Variants in CAB39L observed in about 807,000 individuals in gnomAD.
CAB39L encodes the protein calcium-binding protein 39-like.
A neutral mutation model predicts 39.1 loss-of-function variants in CAB39L; 23 were observed. That is an observed-to-expected ratio of 0.59 (90% CI 0.42 to 0.83). CAB39L has a LOEUF of 0.83. CAB39L is among the 40% of genes least tolerant of loss of function. The probability of loss-of-function intolerance (pLI) is 0.00; values close to 1 mark genes in which losing one functional copy is unlikely to be tolerated. For missense variants in CAB39L, 366 were observed against 391.9 expected (o/e 0.93, Z 0.56); for synonymous variants, 126 against 137.2 (o/e 0.92, Z 0.57).
intron 3 of CAB39L, among the ~76,000 whole-genome samples, chr13:49,430,870 T>G (rs928000776): frequency 2.0e-5 from 3 of 152,248 alleles, no homozygotes; most frequent in Admixed American, 6.5e-5. Flanking sequence ...CTTCCTATTT[T>G]CATAGAATTG....
chr13:49,362,036 C>T (rs1391220235), intron 5 of CAB39L, among the ~76,000 whole-genome samples: 4 of 151,494 alleles, frequency 2.6e-5, no homozygotes, highest in Admixed American at 2.0e-4. Context: ...TGCATACAAC[C>T]ACCTTATAAT....
intron 6 of CAB39L, among the ~76,000 whole-genome samples, chr13:49,355,083 A>T (rs1018996066): frequency 6.6e-6 from 1 of 152,172 alleles, no homozygotes; most frequent in Non-Finnish European, 1.5e-5. Context: ...CTGACTAAAA[A>T]TAATGAGTTA....
chr13:49,418,200 T>C (rs181813505), intron 3 of CAB39L, among the ~76,000 whole-genome samples: 112 of 152,294 alleles, frequency 7.4e-4, no homozygotes, highest in African/African-American at 2.6e-3. Flanking sequence ...AAATGGAACA[T>C]TATTTGGCAA....
rs1306991970 is a variant in CAB39L, at chr13:49,377,881, C to G, written c.112-750G>C. 7.2e-5 allele frequency among the ~76,000 whole-genome samples: 6 copies of G among 83,324 alleles called. 2 individuals are homozygous for G. The South Asian group carries it at 1.6e-3, about 23-fold the overall frequency. The allele number at this position is 83,324 out of a possible 152,430, so 54.7% of individuals were successfully genotyped here. On this transcript the variant is annotated intron_variant, in intron 4 of 10. Transcript: ENST00000409308. ...CTGGAAAGTGAGGAGCGTCTCCGCC[C>G]GGCCGCCATCCCATCTAGGAAGTGA...
chr13:49,424,789 T>C (rs1478422489), intron 3 of CAB39L, among the ~76,000 whole-genome samples: 2 of 152,090 alleles, frequency 1.3e-5, no homozygotes, highest in Admixed American at 1.3e-4. Context: ...TGATGGAAAA[T>C]AAAGGAATAC....
chr13:49,399,975 A>G (rs1371426352), intron 3 of CAB39L, among the ~76,000 whole-genome samples: 10 of 152,084 alleles, frequency 6.6e-5, no homozygotes, highest in Non-Finnish European at 1.5e-4. Flanking sequence ...AAAAAAAATT[A>G]AAACCTGCAA....
At chr13:49,419,084 C>T (rs1183788712) in intron 3 of CAB39L, among the ~76,000 whole-genome samples, 7 of 152,138 alleles carry the variant, frequency 4.6e-5, no homozygotes, top group African/African-American at 1.7e-4. Context: ...TCTCTTGCCT[C>T]ATCTTCCTGA....
intron 6 of CAB39L, among the ~76,000 whole-genome samples, chr13:49,357,861 C>A (rs1435252102): frequency 6.6e-6 from 1 of 152,206 alleles, no homozygotes; most frequent in Non-Finnish European, 1.5e-5. Flanking sequence ...AGCTCTTCAT[C>A]ATCTGGTCTC....
intron 10 of CAB39L, among the ~76,000 whole-genome samples, chr13:49,314,182 T>A (rs1010992693): frequency 1.3e-5 from 2 of 152,048 alleles, no homozygotes; most frequent in Non-Finnish European, 2.9e-5. Context: ...ACAGTAAGAA[T>A]GAGTAAGGGA....
At chr13:49,349,439 G>T (rs1309552767) in intron 7 of CAB39L, among the ~76,000 whole-genome samples, 2 of 146,594 alleles carry the variant, frequency 1.4e-5, no homozygotes, top group East Asian at 2.0e-4. Flanking sequence ...TGCTTTTGAA[G>T]AAATGAATCT....
Position 49,364,399 on chromosome 13 carries a change from T to C in CAB39L, c.277-4567A>G, listed in dbSNP as rs146066585. Among the ~76,000 whole-genome samples, 417 of 152,272 alleles carry C rather than the reference T, an allele frequency of 2.7e-3. 2 individuals carry two copies. The highest frequency in any genetic ancestry group is 7.9e-3 in the Admixed American group (121 of 15,308). ...GATCTTAGATTTGGAGCATGACAACTTTTACCACTGTTATTCAACATAATA... is the reference window on the plus strand; with the variant it reads ...GATCTTAGATTTGGAGCATGACAACCTTTACCACTGTTATTCAACATAATA... On this transcript the variant is annotated intron_variant, in intron 5 of 10. Transcript: ENST00000409308.
chr13:49,409,927 A>T (rs1956955993), intron 3 of CAB39L, among the ~76,000 whole-genome samples: 1 of 147,874 alleles, frequency 6.8e-6, no homozygotes, highest in African/African-American at 2.5e-5. Flanking sequence ...AAAAAAAAAA[A>T]TCCACATAAA....
At chr13:49,375,486 G>C (rs946872219) in intron 5 of CAB39L, among the ~76,000 whole-genome samples, 2 of 152,164 alleles carry the variant, frequency 1.3e-5, no homozygotes, top group Non-Finnish European at 2.9e-5. Context: ...GATGGAGAGG[G>C]AGAGTAAGCA....
chr13:49,312,283 T>G (rs535342521), intron 10 of CAB39L, among the ~76,000 whole-genome samples: 5 of 152,232 alleles, frequency 3.3e-5, no homozygotes, highest in African/African-American at 1.2e-4. Context: ...TCTACAGTAG[T>G]GTACGGTAAT....
intron 6 of CAB39L, among the ~76,000 whole-genome samples, chr13:49,357,413 G>A (rs146574348): frequency 6.6e-6 from 1 of 152,244 alleles, no homozygotes; most frequent in African/African-American, 2.4e-5. Flanking sequence ...ATGAGTAAAT[G>A]GTTTATACAA....
intron 7 of CAB39L, among the ~76,000 whole-genome samples, chr13:49,348,561 T>G (rs1042742084): frequency 1.3e-5 from 2 of 152,044 alleles, no homozygotes; most frequent in African/African-American, 4.8e-5. Context: ...GAGTGAGACC[T>G]TGTCTCAAAA....
intron 5 of CAB39L, among the ~76,000 whole-genome samples, chr13:49,364,517 T>C (rs541999801): frequency 7.9e-5 from 12 of 152,298 alleles, no homozygotes; most frequent in African/African-American, 2.9e-4. Flanking sequence ...TGTTTGCAGA[T>C]GATAAAACCT....
intron 9 of CAB39L, among the ~76,000 whole-genome samples, chr13:49,336,637 G>C (rs1002054036): frequency 6.6e-6 from 1 of 152,056 alleles, no homozygotes; most frequent in African/African-American, 2.4e-5. Context: ...GAAGGATTTG[G>C]AGAATTTATG....
rs560114890 is a variant in CAB39L at position 49,434,758 on chromosome 13, A to G, written c.-245-535T>C. On this transcript the variant is annotated intron_variant, in intron 1 of 10. Coordinates refer to ENST00000409308, the MANE Select transcript of CAB39L (RefSeq NM_001079670.3). The stretch of plus-strand genomic sequence containing the variant: ...CAACACTTAATGCCTTCAAAATAGC[A>G]GCACATCAATACTACTACTACTACT... Among the ~76,000 whole-genome samples, 5 of 152,332 alleles carry G rather than the reference A, an allele frequency of 3.3e-5. No individual in the cohort carries two copies. In the South Asian group the frequency reaches 1.0e-3, roughly 32 times the overall value.
Sources: gnomAD v4.1 joint callset for allele counts (sites outside exome capture counted in the v4.1 genomes callset) on GRCh38, gnomAD v4.1.1 for gene constraint, MANE v1.5 for transcripts, NCBI Gene and HGNC (gene_info 2026-07-23, HGNC 2026-07-21) for gene names.